Variants in SDC2 observed in about 807,000 individuals in gnomAD.
The protein encoded by SDC2 is syndecan-2.
SDC2 carries 13 observed loss-of-function variants against 22.2 expected under a neutral mutation model. The observed-to-expected ratio is 0.59, with a 90% CI of 0.38 to 0.93. The LOEUF is 0.93. Ranked by LOEUF, SDC2 falls within the 40% of genes least tolerant of loss-of-function variation. The pLI is 0.00. For missense variants in SDC2, 235 were observed against 246.8 expected, an observed-to-expected ratio of 0.95 and a Z score of 0.32; for synonymous variants, 94 against 92.8, an observed-to-expected ratio of 1.01 and a Z score of -0.07.
At chr8:96,560,156 CCCTTT>C (rs775506575) in intron 1 of SDC2, among the ~76,000 whole-genome samples, 19 of 152,118 alleles carry the variant, frequency 1.2e-4, no homozygotes, top group Non-Finnish European at 2.2e-4. Flanking sequence ...TCATTCTCAA[CCCTTT>C]CCAGTCCTAG....
intron 2 of SDC2, among the ~76,000 whole-genome samples, chr8:96,600,032 A>G (rs1814951452): frequency 6.6e-6 from 1 of 152,080 alleles, no homozygotes; most frequent in South Asian, 2.1e-4. Flanking sequence ...AGTGGCACAT[A>G]TATTTAGTTC....
intron 1 of SDC2, among the ~76,000 whole-genome samples, chr8:96,505,958 T>C (rs943303381): frequency 1.3e-5 from 2 of 152,354 alleles, no homozygotes; most frequent in East Asian, 1.9e-4. Flanking sequence ...ATATGTGTTA[T>C]ATGTAAAATA....
At chr8:96,561,330 A>G (rs1167926106) in intron 1 of SDC2, among the ~76,000 whole-genome samples, 1 of 152,176 alleles carries the variant, frequency 6.6e-6, no homozygotes, top group Non-Finnish European at 1.5e-5. Flanking sequence ...TTGTAAATAC[A>G]CTATACATAG....
chr8:96,499,964 C>G (rs878977), intron 1 of SDC2, among the ~76,000 whole-genome samples: 5,423 of 152,180 alleles, frequency 0.036, 158 homozygotes, highest in East Asian at 0.16. Flanking sequence ...TGCAGATACC[C>G]GTGGGCCTGG....
At position 96,591,126 on chromosome 8, in the gene SDC2, G is replaced by A. The variant is rs142285313; in HGVS notation, c.61-2354G>A. ...CAGATGTGTTAGTCCAGACAACTGG[G>A]TCATCGAATGAATTGAAATTCAATT... On this transcript the variant is annotated intron_variant, in intron 1 of 4. Transcript: ENST00000302190. Among the ~76,000 whole-genome samples the A allele has an allele frequency of 1.9e-3, 295 of 152,304 alleles. 1 individual carries two copies. Among genetic ancestry groups the A allele is most frequent in the African/African-American group, 6.4e-3 (267 of 41,554 alleles).
At chr8:96,497,890 C>A (rs1310255481) in intron 1 of SDC2, among the ~76,000 whole-genome samples, 13 of 152,320 alleles carry the variant, frequency 8.5e-5, no homozygotes, top group Admixed American at 2.6e-4. Context: ...CCATCCTTTT[C>A]TTCTTCCCAA....
intron 1 of SDC2, among the ~76,000 whole-genome samples, chr8:96,570,011 G>T (rs1418178715): frequency 5.3e-5 from 8 of 152,182 alleles, no homozygotes; most frequent in African/African-American, 1.7e-4. Context: ...AAATATATTC[G>T]TGTGATTTGT....
In SDC2 at chr8:96,609,565, C is replaced by G. The variant is rs774704175; in HGVS notation, c.*17C>G. 2 of 1,560,506 alleles carry G rather than the reference C, an allele frequency of 1.3e-6. No individual in the cohort carries two copies. The highest frequency in any genetic ancestry group is 2.4e-5 in the South Asian group (2 of 83,688). On this transcript the variant is annotated 3_prime_UTR_variant, in exon 5 of 5. Coordinates refer to ENST00000302190, the MANE Select transcript of SDC2 (RefSeq NM_002998.4). ...TATGCGTAAAACTCCAACTTAGTGT[C>G]TCTATTTATGAGATCACTGAACTTT... is the stretch of plus-strand genomic sequence containing the variant.
At chr8:96,567,277 A>C (rs1449908233) in intron 1 of SDC2, among the ~76,000 whole-genome samples, 1 of 152,226 alleles carries the variant, frequency 6.6e-6, no homozygotes, top group Non-Finnish European at 1.5e-5. Context: ...AAAGGGGAAG[A>C]TTTCATACCT....
chr8:96,599,064 C>T (rs1191755010), intron 2 of SDC2, among the ~76,000 whole-genome samples: 2 of 151,268 alleles, frequency 1.3e-5, no homozygotes, highest in African/African-American at 2.4e-5. Flanking sequence ...GCTTGAGCCT[C>T]CCAAGTAGCT....
chr8:96,545,657 A>G (rs1813919776), intron 1 of SDC2, among the ~76,000 whole-genome samples: 1 of 152,198 alleles, frequency 6.6e-6, no homozygotes, highest in African/African-American at 2.4e-5. Flanking sequence ...CTGTGGGTAC[A>G]TTAGAAGTGT....
At chr8:96,572,791 A>G (rs944914268) in intron 1 of SDC2, among the ~76,000 whole-genome samples, 5 of 152,232 alleles carry the variant, frequency 3.3e-5, no homozygotes, top group East Asian at 1.9e-4. Flanking sequence ...GTCATTAACT[A>G]CATTAGTTGA....
rs73698111 is a variant in SDC2, at chr8:96,521,921, A to G, written c.60+27590A>G. Among the ~76,000 whole-genome samples, 720 of 152,358 alleles carry G rather than the reference A, an allele frequency of 4.7e-3. 5 individuals carry two copies. Among genetic ancestry groups the G allele is most frequent in the African/African-American group, 0.016 (646 of 41,588 alleles). ...TTGAGTAACCAAGAGAAAAATCAGG[A>G]TGGCCTAATTCACTAAAATTCCAAG... On this transcript the variant is annotated intron_variant, in intron 1 of 4. Coordinates refer to ENST00000302190, the MANE Select transcript of SDC2 (RefSeq NM_002998.4).
intron 1 of SDC2, among the ~76,000 whole-genome samples, chr8:96,582,848 A>G (rs913655740): frequency 6.6e-5 from 10 of 152,168 alleles, no homozygotes; most frequent in African/African-American, 1.4e-4. Flanking sequence ...GAGCAAGCTC[A>G]CCTTGACATG....
chr8:96,555,306 A>G (rs571458183), intron 1 of SDC2, among the ~76,000 whole-genome samples: 2 of 152,226 alleles, frequency 1.3e-5, no homozygotes, highest in East Asian at 3.9e-4. Flanking sequence ...TTCCTTTCTT[A>G]GACCATTGGA....
intron 1 of SDC2, 118 bp downstream of exon 1, chr8:96,494,449 G>T (rs564699188): frequency 1.0e-5 from 9 of 891,520 alleles, no homozygotes; most frequent in Non-Finnish European, 1.3e-5. Flanking sequence ...GTATACACCG[G>T]AGATCCGCTG....
At position 96,549,776 on chromosome 8, in the gene SDC2, T is replaced by G. The variant is rs1213343750; in HGVS notation, c.61-43704T>G. Among the ~76,000 whole-genome samples the G allele has an allele frequency of 2.0e-5, 3 of 152,242 alleles. No individual in the cohort carries two copies. In the East Asian group the frequency reaches 5.8e-4, roughly 29 times the overall value. ...GACTCAATAAGTATTTACTATTAAA[T>G]TTGATTTTTTAGTTGAATAAACATG... On this transcript the variant is annotated intron_variant, in intron 1 of 4. Transcript: ENST00000302190.
chr8:96,581,347 G>GCAT (rs1351805157), intron 1 of SDC2, among the ~76,000 whole-genome samples: 1 of 152,060 alleles, frequency 6.6e-6, no homozygotes, highest in Non-Finnish European at 1.5e-5. Flanking sequence ...ACTATATGAG[G>GCAT]GCTGGGCATG....
At chr8:96,590,619 G>A (rs1203354726) in intron 1 of SDC2, among the ~76,000 whole-genome samples, 3 of 152,102 alleles carry the variant, frequency 2.0e-5, no homozygotes, top group African/African-American at 7.2e-5. Flanking sequence ...TTTGTCATGA[G>A]CGCAGGGGTT....
Sources: allele counts gnomAD v4.1 joint callset (sites outside exome capture counted in the v4.1 genomes callset), GRCh38; gene constraint gnomAD v4.1.1; transcripts MANE v1.5; gene names NCBI Gene and HGNC (gene_info 2026-07-23, HGNC 2026-07-21).